Variants in KCNC2 observed in about 807,000 individuals in gnomAD.
KCNC2 encodes potassium voltage-gated channel subfamily C member 2.
A neutral mutation model predicts 44.5 loss-of-function variants in KCNC2; 21 were observed. That is an observed-to-expected ratio of 0.47 (90% CI 0.33 to 0.68). The LOEUF is 0.68. Among genes scored for constraint, KCNC2 ranks in the 30% least tolerant of loss-of-function variants. KCNC2 has a pLI of 0.01. For missense variants in KCNC2, 589 were observed against 826.2 expected, an observed-to-expected ratio of 0.71 and a Z score of 3.52; for synonymous variants, 391 against 339.1, an observed-to-expected ratio of 1.15 and a Z score of -1.68.
At chr12:75,205,323 G>C (rs2031597832) in intron 2 of KCNC2, among the ~76,000 whole-genome samples, 1 of 152,058 alleles carries the variant, frequency 6.6e-6, no homozygotes, top group Non-Finnish European at 1.5e-5. Context: ...AAATTTTTCA[G>C]GTCTATGATT....
chr12:75,043,759 T>G, intron 4 of KCNC2: 1 of 1,511,710 alleles, frequency 6.6e-7, no homozygotes, highest in Non-Finnish European at 8.8e-7. Flanking sequence ...TCTTAAATAA[T>G]GGCATTTGGT....
In KCNC2 at chr12:75,207,206, G is replaced by T; in HGVS notation, c.687+91C>A. On this transcript the variant is annotated intron_variant, in intron 2 of 4. Transcript: ENST00000549446. The surrounding 1 kb of genome is among the most constrained non-coding windows in gnomAD (Gnocchi z 4.1). ...ATCCCGGGTCTCTTCTACCCCCCAT[G>T]CCTGAGGCCCTGGGGTGGAAAAGAA... 6.8e-7 allele frequency: 1 copy of T among 1,481,142 alleles called. No individual in the cohort carries two copies. Among genetic ancestry groups the T allele is most frequent in the Non-Finnish European group, 9.0e-7 (1 of 1,117,000 alleles). The allele number at this position is 1,481,142 out of a possible 1,614,324, so 91.7% of individuals were successfully genotyped here.
intron 2 of KCNC2, among the ~76,000 whole-genome samples, chr12:75,126,090 TA>T (rs1335983053): frequency 6.6e-6 from 1 of 152,010 alleles, no homozygotes; most frequent in Non-Finnish European, 1.5e-5. Flanking sequence ...TGAGCAAAAC[TA>T]AAAAACCCGA....
At chr12:75,153,478 TG>T (rs1186382621) in intron 2 of KCNC2, among the ~76,000 whole-genome samples, 1 of 151,400 alleles carries the variant, frequency 6.6e-6, no homozygotes, top group African/African-American at 2.4e-5. Context: ...GGTGGGAGGG[TG>T]AGAAGGGGCT....
At chr12:75,051,347 A>G (rs2136946206) in intron 2 of KCNC2, 30 bp from the exon 3 acceptor site, 1 of 1,267,668 alleles carries the variant, frequency 7.9e-7, no homozygotes, top group South Asian at 1.4e-5. Context: ...AAAAAAACCC[A>G]TAGTGATCTG....
intron 2 of KCNC2, among the ~76,000 whole-genome samples, chr12:75,119,516 G>A (rs1014106125): frequency 6.6e-6 from 1 of 152,172 alleles, no homozygotes; most frequent in African/African-American, 2.4e-5. Flanking sequence ...AGAAACTGGT[G>A]ACTTAACCAT....
chr12:75,064,817 T>C (rs1456795807), intron 2 of KCNC2, among the ~76,000 whole-genome samples: 1 of 152,028 alleles, frequency 6.6e-6, no homozygotes, highest in Admixed American at 6.6e-5. Flanking sequence ...TTTTTATTGT[T>C]TCGAATACTT....
At chr12:75,156,724 G>C (rs796866081) in intron 2 of KCNC2, among the ~76,000 whole-genome samples, 22 of 151,836 alleles carry the variant, frequency 1.4e-4, no homozygotes, top group African/African-American at 4.6e-4. Flanking sequence ...TATAGCTACA[G>C]ATATTCTACC....
intron 2 of KCNC2, among the ~76,000 whole-genome samples, chr12:75,136,694 A>AT (rs1565883177): frequency 6.6e-6 from 1 of 152,042 alleles, no homozygotes; most frequent in East Asian, 1.9e-4. Context: ...CCCAACAACA[A>AT]TAACAAAAGA....
chr12:75,066,948 G>C (rs1430339309), intron 2 of KCNC2, among the ~76,000 whole-genome samples: 1 of 152,080 alleles, frequency 6.6e-6, no homozygotes, highest in Admixed American at 6.5e-5. Context: ...CACGTCTGTA[G>C]TCCCAGCATT....
chr12:75,149,213 G>T (rs951701255), intron 2 of KCNC2, among the ~76,000 whole-genome samples: 2 of 151,990 alleles, frequency 1.3e-5, no homozygotes, highest in Admixed American at 1.3e-4. Context: ...CTGTGTGTGT[G>T]TGTGTGTAAA....
chr12:75,208,915 T>A (rs2031929241), intron 1 of KCNC2, among the ~76,000 whole-genome samples: 1 of 151,854 alleles, frequency 6.6e-6, no homozygotes, highest in South Asian at 2.1e-4. Context: ...ATCCCACCCA[T>A]CCCCCTTCCC....
intron 2 of KCNC2, among the ~76,000 whole-genome samples, chr12:75,194,203 A>C (rs2030556534): frequency 6.6e-6 from 1 of 152,156 alleles, no homozygotes; most frequent in Non-Finnish European, 1.5e-5. Flanking sequence ...TAGTTAAATC[A>C]AAATGGAGCC....
intron 2 of KCNC2, among the ~76,000 whole-genome samples, chr12:75,125,518 G>A (rs1213271701): frequency 6.6e-6 from 1 of 152,078 alleles, no homozygotes; most frequent in East Asian, 1.9e-4. Flanking sequence ...GGAGCAGATG[G>A]GTGTCTTAAC....
intron 2 of KCNC2, among the ~76,000 whole-genome samples, chr12:75,142,461 CATTG>C (rs1341280423): frequency 1.3e-5 from 2 of 152,170 alleles, no homozygotes; most frequent in African/African-American, 2.4e-5. Context: ...TGATAACTAT[CATTG>C]ATTAAACAGG....
At chr12:75,204,524 C>G (rs572219255) in intron 2 of KCNC2, among the ~76,000 whole-genome samples, 16 of 151,926 alleles carry the variant, frequency 1.1e-4, no homozygotes, top group African/African-American at 3.9e-4. Flanking sequence ...TTTTTTGTGT[C>G]AAATATTTCA....
chr12:75,146,531 C>T (rs1278908115), intron 2 of KCNC2, among the ~76,000 whole-genome samples: 1 of 152,134 alleles, frequency 6.6e-6, no homozygotes, highest in Non-Finnish European at 1.5e-5. Flanking sequence ...GTAAACCACA[C>T]TTTATTTCTT....
intron 2 of KCNC2, among the ~76,000 whole-genome samples, chr12:75,200,417 C>T (rs2031142609): frequency 6.6e-6 from 1 of 151,686 alleles, no homozygotes; most frequent in South Asian, 2.1e-4. Flanking sequence ...ATTTCTTCAC[C>T]AATTTCACTA....
In KCNC2 at chr12:75,040,397, A is replaced by G. The variant is rs1294009438; in HGVS notation, c.*2708T>C. ...CTCACAAAAAAGTAATTGATTAAAGAATATCTCTTTTATGCAAAATATACA... is the reference window on the plus strand; with the variant it reads ...CTCACAAAAAAGTAATTGATTAAAGGATATCTCTTTTATGCAAAATATACA... On this transcript the variant is annotated 3_prime_UTR_variant, in exon 5 of 5. Transcript: ENST00000549446. 1.3e-5 allele frequency: 2 copies of G among 152,426 alleles called. No individual in the cohort carries two copies. The highest frequency in any genetic ancestry group is 4.8e-5 in the African/African-American group (2 of 41,446). The allele number at this position is 152,426 out of a possible 1,614,324, so 9.4% of individuals were successfully genotyped here. A position where few individuals can be genotyped will look rare whatever the true frequency, so the allele number is the denominator to read the frequency against.
Sources: gnomAD v4.1 joint callset for allele counts (sites outside exome capture counted in the v4.1 genomes callset) on GRCh38, gnomAD v4.1.1 for gene constraint, Gnocchi (gnomAD v3.1) non-coding constraint, MANE v1.5 for transcripts, NCBI Gene and HGNC (gene_info 2026-07-23, HGNC 2026-07-21) for gene names.